RPA3: variants seen among roughly 807,000 people sequenced by gnomAD.
RPA3 encodes the protein replication protein A 14 kDa subunit.
RPA3 carries 24 observed loss-of-function variants against 13.7 expected under a neutral mutation model. That is an observed-to-expected ratio of 1.75 (90% CI 1.27 to 2.46). The LOEUF is 2.46. RPA3 is among the 30% of genes most tolerant of loss of function. The pLI, the probability that RPA3 is intolerant of heterozygous loss-of-function variation, is 0.00. For missense variants in RPA3, 183 were observed against 151.0 expected (o/e 1.21, Z -1.11); for synonymous variants, 59 against 51.2 (o/e 1.15, Z -0.65).
intron 4 of RPA3, among the ~76,000 whole-genome samples, chr7:7,647,848 TC>T (rs1785132506): frequency 6.6e-6 from 1 of 152,188 alleles, no homozygotes; most frequent in Non-Finnish European, 1.5e-5. Context: ...CAAGCAAGCC[TC>T]CCTCCTTGGC....
At chr7:7,703,971 G>T (rs1035852310) in intron 2 of RPA3, among the ~76,000 whole-genome samples, 14 of 151,870 alleles carry the variant, frequency 9.2e-5, no homozygotes, top group African/African-American at 2.7e-4. Flanking sequence ...AGGAAGGGAA[G>T]GAGGGAAGGG....
chr7:7,684,201 A>C (rs545810070), intron 4 of RPA3, among the ~76,000 whole-genome samples: 4 of 151,868 alleles, frequency 2.6e-5, no homozygotes. Flanking sequence ...TTTAGCACAG[A>C]TGCAATTTTT....
chr7:7,645,036 C>A (rs1396699897), intron 4 of RPA3, among the ~76,000 whole-genome samples: 3 of 151,800 alleles, frequency 2.0e-5, no homozygotes, highest in African/African-American at 7.3e-5. Context: ...TCCTAGATAC[C>A]TTGTTTTTGT....
chr7:7,640,654 G>A lies in RPA3; in HGVS notation c.-236C>T, dbSNP rs1214091250. 3.4e-5 allele frequency: 18 copies of A among 535,896 alleles called. No individual in the cohort carries two copies. The highest frequency in any genetic ancestry group is 6.0e-5 in the Non-Finnish European group (18 of 299,626). 33.2% of individuals were successfully genotyped at this position (535,896 alleles called of 1,614,324 possible). On this transcript the variant is annotated 5_prime_UTR_variant, in exon 5 of 8. Coordinates refer to ENST00000223129, the MANE Select transcript of RPA3 (RefSeq NM_002947.5). ...GCTGCTTAGTGACGCGCGGCGTCCC[G>A]GAAGTTGACAGATACAGGGCGAGAG...
chr7:7,704,977 C>A (rs988144058), intron 2 of RPA3, among the ~76,000 whole-genome samples: 1 of 152,038 alleles, frequency 6.6e-6, no homozygotes, highest in African/African-American at 2.4e-5. Context: ...ACTCAGCATG[C>A]CTTTACAGAT....
At position 7,640,592 on chromosome 7, in the gene RPA3, T is replaced by A. The variant is rs1247786646; in HGVS notation, c.-174A>T. On this transcript the variant is annotated 5_prime_UTR_variant, in exon 5 of 8. Coordinates refer to ENST00000223129, the MANE Select transcript of RPA3 (RefSeq NM_002947.5). ...GCAATCGCGCTGTCTCTGAAAGGGG[T>A]GGAGAAGGGGCTGGATGAGTCCGGA... 5 of 632,074 alleles carry A rather than the reference T, an allele frequency of 7.9e-6. No individual in the cohort carries two copies. In the East Asian group the frequency reaches 1.4e-4, roughly 18 times the overall value. 39.2% of individuals were successfully genotyped at this position (632,074 alleles called of 1,614,324 possible). A position where few individuals can be genotyped will look rare whatever the true frequency, so the allele number is the denominator to read the frequency against.
chr7:7,637,184 G>A, intron 7 of RPA3, 102 bp from the exon 8 acceptor site: 3 of 848,944 alleles, frequency 3.5e-6, no homozygotes, highest in Non-Finnish European at 5.8e-6. Flanking sequence ...TCACCCTTTT[G>A]GAAGTGAGTT....
At chr7:7,716,525 G>A (rs1780908412) in intron 1 of RPA3, among the ~76,000 whole-genome samples, 1 of 152,216 alleles carries the variant, frequency 6.6e-6, no homozygotes, top group Admixed American at 6.5e-5. Context: ...AGGGCCACTT[G>A]GAAGCCAGGT....
At position 7,640,359 on chromosome 7, in the gene RPA3, G is replaced by T; in HGVS notation, c.60C>A (p.Phe20Leu). ...SRINAGMLAQ[F>L]IDKPVCFVGR... ...CTACGAAGCAGACAGGCTTGTCGATGAATTGAGCTAGCATGCCGGCGTTGA... is the reference window on the plus strand; with the variant it reads ...CTACGAAGCAGACAGGCTTGTCGATTAATTGAGCTAGCATGCCGGCGTTGA... The change falls in exon 5 of 8, where the codon TTC becomes TTA. Residue 20 changes from phenylalanine to leucine, a missense_variant. Transcript: ENST00000223129. The T allele has an allele frequency of 1.9e-6, 3 of 1,614,122 alleles. No homozygotes were observed. The highest frequency in any genetic ancestry group is 2.7e-5 in the African/African-American group (2 of 75,044).
intron 4 of RPA3, among the ~76,000 whole-genome samples, chr7:7,660,749 C>T (rs1377386495): frequency 1.3e-5 from 2 of 151,262 alleles, no homozygotes; most frequent in Non-Finnish European, 3.0e-5. Flanking sequence ...TCCTTCATTT[C>T]AACCTTGGTG....
chr7:7,670,929 G>T (rs1291976889), intron 4 of RPA3, among the ~76,000 whole-genome samples: 1 of 152,106 alleles, frequency 6.6e-6, no homozygotes, highest in Non-Finnish European at 1.5e-5. Flanking sequence ...TCCTGGGAGA[G>T]GCTCCTCCAT....
intron 4 of RPA3, among the ~76,000 whole-genome samples, chr7:7,661,782 T>A (rs1189833757): frequency 6.6e-6 from 1 of 152,118 alleles, no homozygotes; most frequent in Non-Finnish European, 1.5e-5. Flanking sequence ...GAGACATGGG[T>A]GTCAGGGACC....
In RPA3 at chr7:7,700,573, CAACA is replaced by C. The variant is rs529757342; in HGVS notation, c.-1027-13249_-1027-13246del. Among the ~76,000 whole-genome samples the C allele has an allele frequency of 3.8e-3, 579 of 151,884 alleles. 4 individuals carry two copies. Among genetic ancestry groups the C allele is most frequent in the African/African-American group, 0.013 (523 of 41,390 alleles). On this transcript the variant is annotated intron_variant, in intron 2 of 7. Transcript: ENST00000223129. ...GACCCCCATCTCTACAAAATAAAAA[CAACA>C]AACAAACAAACAAACAAAAACACCA...
intron 4 of RPA3, among the ~76,000 whole-genome samples, chr7:7,642,428 G>A (rs1784995521): frequency 6.6e-6 from 1 of 151,464 alleles, no homozygotes; most frequent in Non-Finnish European, 1.5e-5. Context: ...CAAAGTACTG[G>A]AATTACAGGT....
intron 5 of RPA3, 53 bp from the exon 6 acceptor site, chr7:7,639,197 C>A: frequency 7.1e-7 from 1 of 1,400,928 alleles, no homozygotes; most frequent in South Asian, 1.2e-5. Flanking sequence ...CAAAGTTTGA[C>A]TAAAGATGAG....
intron 2 of RPA3, chr7:7,689,542 G>C (rs1583739367): frequency 6.6e-6 from 1 of 152,108 alleles, no homozygotes; most frequent in Non-Finnish European, 1.5e-5. Context: ...TGTCTGCACC[G>C]ATGTTTGACA....
intron 2 of RPA3, among the ~76,000 whole-genome samples, chr7:7,691,449 T>C (rs1780170279): frequency 6.6e-6 from 1 of 152,256 alleles, no homozygotes; most frequent in Non-Finnish European, 1.5e-5. Context: ...TATGATAGAA[T>C]TTAAAATATC....
chr7:7,672,842 G>A (rs949504772), intron 4 of RPA3, among the ~76,000 whole-genome samples: 1 of 152,156 alleles, frequency 6.6e-6, no homozygotes, highest in Non-Finnish European at 1.5e-5. Context: ...TCTCAATTAG[G>A]TAACCATCAG....
At chr7:7,677,485 A>G (rs1779771817) in intron 4 of RPA3, among the ~76,000 whole-genome samples, 1 of 152,058 alleles carries the variant, frequency 6.6e-6, no homozygotes, top group Non-Finnish European at 1.5e-5. Context: ...GAGCTCCCTC[A>G]TATGAGTGAG....
Sources: gnomAD v4.1 joint callset for allele counts (sites outside exome capture counted in the v4.1 genomes callset) on GRCh38, gnomAD v4.1.1 for gene constraint, MANE v1.5 for transcripts, NCBI Gene and HGNC (gene_info 2026-07-23, HGNC 2026-07-21) for gene names.